NLRP1: variants seen among roughly 807,000 people sequenced by gnomAD.
NLRP1 encodes the protein NLR family pyrin domain containing 1, also known as NACHT, LRR and PYD domains-containing protein 1.
Under a neutral mutation model 136.7 loss-of-function variants are expected in NLRP1, and 94 were observed. That is an observed-to-expected ratio of 0.69 (90% CI 0.58 to 0.82). The LOEUF is 0.82. Ranked by LOEUF, NLRP1 falls within the 40% of genes least tolerant of loss-of-function variation. The pLI is 0.00. For synonymous variants in NLRP1, 690 were observed against 725.1 expected (o/e 0.95, Z 0.78); for missense variants, 1,575 against 1,802.7 (o/e 0.87, Z 2.29).
intron 6 of NLRP1, among the ~76,000 whole-genome samples, chr17:5,540,993 T>C (rs1911800060): frequency 6.6e-6 from 1 of 152,142 alleles, no homozygotes; most frequent in Non-Finnish European, 1.5e-5. Context: ...ACTTTGTGCA[T>C]CAAGGGAGGA....
intron 15 of NLRP1, chr17:5,502,403 C>T: frequency 6.2e-6 from 1 of 162,104 alleles, no homozygotes. Context: ...GATTCTCCTG[C>T]CTCAGCCTCT....
rs1421125467 is a variant in NLRP1 at position 5,553,463 on chromosome 17, T to C, written c.2451A>G (p.Gly817=). Residue 817 remains glycine, a synonymous_variant, in exon 5 of 17, where the codon GGA becomes GGG. Transcript: ENST00000572272. ...TCACTGCAGAGTGGCTCAGCGAGTT[T>C]CCACTTAGGTCCAGCTCCTTCAGGT... The part of the protein sequence containing the change: ...TRNLKELDLS[G]NSLSHSAVKS... 2 of 1,614,078 alleles carry C rather than the reference T, an allele frequency of 1.2e-6. No homozygotes were observed. The highest frequency in any genetic ancestry group is 1.3e-5 in the African/African-American group (1 of 74,920).
chr17:5,513,459 A>G (rs1907764350), downstream of NLRP1, among the ~76,000 whole-genome samples: 1 of 152,206 alleles, frequency 6.6e-6, no homozygotes, highest in Admixed American at 6.5e-5. Flanking sequence ...TTGATTTTAA[A>G]AATATTTGTT....
intron 15 of NLRP1, chr17:5,502,009 A>G: frequency 1.3e-6 from 1 of 745,280 alleles, no homozygotes; most frequent in Non-Finnish European, 2.3e-6. Flanking sequence ...TGCAAGTGAA[A>G]GGCCCCGGGG....
At chr17:5,574,543 AGGGCAGCCAGAGAGAAAGGTC>A (rs1160577503) in intron 3 of NLRP1, among the ~76,000 whole-genome samples, 1 of 152,184 alleles carries the variant, frequency 6.6e-6, no homozygotes, top group African/African-American at 2.4e-5. Flanking sequence ...AAAAATGTTA[AGGGCAGCCAGAGAGAAAGGTC>A]GGGTTACCCA....
Position 5,530,385 on chromosome 17 carries a change from A to G in NLRP1, c.3520+96T>C, listed in dbSNP as rs1017047367. 5.3e-6 allele frequency: 6 copies of G among 1,138,302 alleles called. No individual in the cohort carries two copies. The Admixed American group carries it at 9.6e-5, about 18-fold the overall frequency. The allele number at this position is 1,138,302 out of a possible 1,614,324, so 70.5% of individuals were successfully genotyped here. A position where few individuals can be genotyped will look rare whatever the true frequency, so the allele number is the denominator to read the frequency against. ...AACCCCCCCTCGGCCCCTCTAAGGA[A>G]GCCACAACACCCTCTCCCAGGAGAT... On this transcript the variant is annotated intron_variant, in intron 12 of 16. Coordinates refer to ENST00000572272, the MANE Select transcript of NLRP1 (RefSeq NM_033004.4).
rs11078567 is a variant in NLRP1, at chr17:5,541,185, A to G, written c.2699+672T>C. On this transcript the variant is annotated intron_variant, in intron 6 of 16. Transcript: ENST00000572272. The surrounding 1 kb of genome is among the most constrained non-coding windows in gnomAD (Gnocchi z 4.2). ...TCAGGCTCCCTGAGTAGCTGGGATT[A>G]CAGGTGCCCACCATCACGCCTGGCT... 0.047 allele frequency among the ~76,000 whole-genome samples: 7,197 copies of G among 152,172 alleles called. 198 individuals are homozygous for G. The highest frequency in any genetic ancestry group is 0.088 in the Middle Eastern group (26 of 294).
In NLRP1 at chr17:5,539,476, C is replaced by A; in HGVS notation, c.2809G>T (p.Val937Phe). 2 of 1,614,180 alleles carry A rather than the reference C, an allele frequency of 1.2e-6. No homozygotes were observed. The highest frequency in any genetic ancestry group is 1.7e-6 in the Non-Finnish European group (2 of 1,180,028). The change falls in exon 7 of 17, where the codon GTT becomes TTT. Residue 937 changes from valine (V) to phenylalanine (F), a missense_variant. Val to Phe is a conservative substitution (Grantham distance 50). Transcript: ENST00000572272. ...CCCTCACAGAGCAGTCGCACGCCAACGTCATCCAGGTTGTTCTGCTGCAGG... is the reference window on the plus strand; with the variant it reads ...CCCTCACAGAGCAGTCGCACGCCAAAGTCATCCAGGTTGTTCTGCTGCAGG... ...LDLQQNNLDDVGVRLLCEGLR... is the reference protein window; with the variant it reads ...LDLQQNNLDDFGVRLLCEGLR...
chr17:5,529,560 G>A (rs945426712), intron 12 of NLRP1, among the ~76,000 whole-genome samples: 7 of 152,060 alleles, frequency 4.6e-5, no homozygotes, highest in African/African-American at 1.7e-4. Context: ...TAGAGACGGG[G>A]TTTCACTGTG....
rs527456103 is a variant in NLRP1 at position 5,537,086 on chromosome 17, A to G, written c.2871-146T>C. The stretch of plus-strand genomic sequence containing the variant: ...GAAGCCAGGCTCTGAGGAGGAGGGT[A>G]CAGTGAGGAGATTCATTAGGGTGTG... On this transcript the variant is annotated intron_variant, in intron 7 of 16. Transcript: ENST00000572272. The surrounding 1 kb of genome is among the most constrained non-coding windows in gnomAD (Gnocchi z 4.5). 28 of 625,184 alleles carry G rather than the reference A, an allele frequency of 4.5e-5. No homozygotes were observed. In the East Asian group the frequency reaches 4.9e-4, roughly 11 times the overall value. 38.7% of individuals were successfully genotyped at this position (625,184 alleles called of 1,614,324 possible). A position where few individuals can be genotyped will look rare whatever the true frequency, so the allele number is the denominator to read the frequency against.
intron 15 of NLRP1, among the ~76,000 whole-genome samples, chr17:5,516,893 G>A (rs1413585724): frequency 3.9e-5 from 6 of 152,144 alleles, no homozygotes; most frequent in Admixed American, 3.9e-4. Flanking sequence ...AGCTGACTAG[G>A]GATGGTTGTC....
rs11653832 is a variant in NLRP1, at chr17:5,521,586, C to G, written c.3721G>C (p.Val1241Leu). ...TGGAAGGTGACTTCCTCAGGATGGA[C>G]GCGGTGGTAAAGCAACACCACAGAG... ...VTSVVLLYHR[V>L]HPEEVTFHLY... The change falls in exon 13 of 17, where the codon GTC (valine) becomes CTC (leucine). Residue 1241 changes from valine to leucine, a missense_variant. Val to Leu is a conservative substitution (Grantham distance 32, BLOSUM62 1). Coordinates refer to ENST00000572272, the MANE Select transcript of NLRP1 (RefSeq NM_033004.4). The G allele has an allele frequency of 0.049, 79,679 of 1,613,882 alleles. 2,252 individuals are homozygous for G. Among genetic ancestry groups the G allele is most frequent in the African/African-American group, 0.086 (6,468 of 74,982 alleles).
At chr17:5,571,075 A>G (rs982037580) in intron 3 of NLRP1, among the ~76,000 whole-genome samples, 1 of 152,216 alleles carries the variant, frequency 6.6e-6, no homozygotes, top group African/African-American at 2.4e-5. Flanking sequence ...CAATGTTAAA[A>G]CTCTCAACAA....
chr17:5,561,159 C>T (rs750802103), intron 3 of NLRP1, among the ~76,000 whole-genome samples: 7 of 152,160 alleles, frequency 4.6e-5, no homozygotes, highest in Admixed American at 6.5e-5. Context: ...CAGGGTCAAG[C>T]GATTCTCCTG....
chr17:5,555,858 T>A (rs71368570), intron 4 of NLRP1, among the ~76,000 whole-genome samples: 1 of 145,404 alleles, frequency 6.9e-6, no homozygotes, highest in South Asian at 2.2e-4. Flanking sequence ...TTTGGGAGGC[T>A]GAGGCAGAAG....
chr17:5,563,767 C>T (rs1024865071), intron 3 of NLRP1, among the ~76,000 whole-genome samples: 3 of 152,168 alleles, frequency 2.0e-5, no homozygotes, highest in African/African-American at 7.2e-5. Context: ...TCAGGAAATG[C>T]AAAGAATCCT....
chr17:5,549,986 C>T (rs1490838705), intron 5 of NLRP1, among the ~76,000 whole-genome samples: 1 of 152,170 alleles, frequency 6.6e-6, no homozygotes, highest in African/African-American at 2.4e-5. Context: ...CTATTAACAT[C>T]TTGCATTACA....
In NLRP1 at chr17:5,517,350, AC is replaced by A. The variant is rs373758392; in HGVS notation, c.4057+395del. 5.3e-3 allele frequency among the ~76,000 whole-genome samples: 252 copies of A among 47,254 alleles called. 31 individuals are homozygous for A. Among genetic ancestry groups the A allele is most frequent in the South Asian group, 0.011 (12 of 1,140 alleles). The allele number at this position is 47,254 out of a possible 152,430, so 31.0% of individuals were successfully genotyped here. Reference sequence around the variant, plus strand: ...AATAAACTGTGATAGTGCACTCTGCACCCCCCCCCCTCCCACATACACAGAC... The same window carrying A: ...AATAAACTGTGATAGTGCACTCTGCACCCCCCCCCTCCCACATACACAGAC... On this transcript the variant is annotated intron_variant, in intron 15 of 16. Transcript: ENST00000572272.
At chr17:5,532,240 C>G (rs1910393379) in intron 11 of NLRP1, among the ~76,000 whole-genome samples, 1 of 152,132 alleles carries the variant, frequency 6.6e-6, no homozygotes, top group South Asian at 2.1e-4. Context: ...GAGCAAGACT[C>G]TGTCTCAAAA....
Sources: allele counts gnomAD v4.1 joint callset (sites outside exome capture counted in the v4.1 genomes callset), GRCh38; gene constraint gnomAD v4.1.1; non-coding constraint Gnocchi (gnomAD v3.1); transcripts MANE v1.5; gene names NCBI Gene and HGNC (gene_info 2026-07-23, HGNC 2026-07-21).